KALRN: variants seen among roughly 807,000 people sequenced by gnomAD.
KALRN encodes the protein kalirin.
Under a neutral mutation model 353.7 loss-of-function variants are expected in KALRN, and 70 were observed. That is an observed-to-expected ratio of 0.20 (90% CI 0.16 to 0.24). KALRN has a LOEUF of 0.24. Ranked by LOEUF, KALRN falls within the 10% of genes least tolerant of loss-of-function variation. KALRN has a pLI of 1.00. For missense variants in KALRN, 2,791 were observed against 3,756.7 expected, an observed-to-expected ratio of 0.74 and a Z score of 6.72; for synonymous variants, 1,391 against 1,434.8, an observed-to-expected ratio of 0.97 and a Z score of 0.69.
At chr3:124,356,947 A>G (rs1479186224) in intron 10 of KALRN, among the ~76,000 whole-genome samples, 2 of 152,154 alleles carry the variant, frequency 1.3e-5, no homozygotes, top group Admixed American at 1.3e-4. Flanking sequence ...TTATAAACCC[A>G]TTGGCTCTGT....
At chr3:124,069,977 T>C (rs541357974) in intron 1 of KALRN, among the ~76,000 whole-genome samples, 37 of 152,260 alleles carry the variant, frequency 2.4e-4, no homozygotes, top group African/African-American at 8.4e-4. Context: ...GGCATGTATT[T>C]AGATATCATC....
chr3:124,249,297 G>GCT (rs1560355634), intron 3 of KALRN, among the ~76,000 whole-genome samples: 6 of 152,156 alleles, frequency 3.9e-5, no homozygotes, highest in Non-Finnish European at 7.3e-5. Context: ...CACAGGAGAA[G>GCT]ACAAAAACTG....
intron 34 of KALRN, among the ~76,000 whole-genome samples, chr3:124,608,434 A>G (rs551825471): frequency 6.6e-6 from 1 of 152,306 alleles, no homozygotes; most frequent in African/African-American, 2.4e-5. Flanking sequence ...CTGTCTCCTC[A>G]GGAAGAGTAC....
intron 34 of KALRN, among the ~76,000 whole-genome samples, chr3:124,615,798 CAG>C (rs2078519912): frequency 1.3e-5 from 2 of 152,250 alleles, no homozygotes; most frequent in South Asian, 4.2e-4. Flanking sequence ...AGGAGAACCA[CAG>C]AGAGACTTTT....
At chr3:124,128,206 T>C (rs758975788) in intron 1 of KALRN, among the ~76,000 whole-genome samples, 3 of 152,194 alleles carry the variant, frequency 2.0e-5, no homozygotes, top group Admixed American at 2.0e-4. Context: ...TCTCAAGTTA[T>C]TAATTATTAC....
chr3:124,668,845 A>G (rs1391566244), intron 47 of KALRN, among the ~76,000 whole-genome samples: 2 of 152,218 alleles, frequency 1.3e-5, no homozygotes, highest in Admixed American at 1.3e-4. Context: ...TTATGCAAAA[A>G]TGTGTTCATA....
intron 8 of KALRN, among the ~76,000 whole-genome samples, chr3:124,333,761 A>G (rs2080843950): frequency 6.6e-6 from 1 of 152,058 alleles, no homozygotes; most frequent in Non-Finnish European, 1.5e-5. Context: ...GGTGGCAGGC[A>G]CCTGTAATCC....
At chr3:124,270,958 T>A (rs566066899) in intron 5 of KALRN, among the ~76,000 whole-genome samples, 2 of 151,726 alleles carry the variant, frequency 1.3e-5, no homozygotes, top group East Asian at 3.9e-4. Flanking sequence ...GCCTCCTGAG[T>A]AGCTGGGATT....
intron 1 of KALRN, among the ~76,000 whole-genome samples, chr3:124,178,704 ATTTAC>A (rs1166444864): frequency 6.6e-6 from 1 of 152,206 alleles, no homozygotes; most frequent in Non-Finnish European, 1.5e-5. Context: ...CAGGACTGGA[ATTTAC>A]TTTGGGTGAG....
intron 3 of KALRN, among the ~76,000 whole-genome samples, chr3:124,255,606 T>C (rs1051946485): frequency 1.3e-5 from 2 of 152,350 alleles, no homozygotes; most frequent in Non-Finnish European, 2.9e-5. Flanking sequence ...TGAATCTCTG[T>C]AAGGCTCTAG....
intron 1 of KALRN, among the ~76,000 whole-genome samples, chr3:124,115,616 A>G (rs540104463): frequency 6.6e-6 from 1 of 152,186 alleles, no homozygotes; most frequent in South Asian, 2.1e-4. Flanking sequence ...TTGGCTGTAG[A>G]GGGTGTGTCC....
chr3:124,447,004 G>A, intron 21 of KALRN, 119 bp downstream of exon 21: 1 of 1,158,804 alleles, frequency 8.6e-7, no homozygotes, highest in Middle Eastern at 2.9e-4. Context: ...CAGTGGCAAG[G>A]GGGGAAGCAT....
In KALRN at chr3:124,674,392, C is replaced by T. The variant is rs767269208; in HGVS notation, c.6971C>T (p.Ser2324Leu). 12 of 1,613,588 alleles carry T rather than the reference C, an allele frequency of 7.4e-6. No individual in the cohort carries two copies. The Admixed American group carries it at 1.0e-4, about 13-fold the overall frequency. Residue 2324 changes from serine (S) to leucine (L), a missense_variant, in exon 49 of 60, where the codon TCG becomes TTG. Transcript: ENST00000682506. ...KNDLGGCNGTSSMAVIKDYYA... is the reference protein window; with the variant it reads ...KNDLGGCNGTLSMAVIKDYYA... Reference sequence around the variant, plus strand: ...GACCTGGGAGGCTGCAATGGGACCTCGTCCATGGCCGTGATCAAAGATTAC... The same window carrying T: ...GACCTGGGAGGCTGCAATGGGACCTTGTCCATGGCCGTGATCAAAGATTAC...
chr3:124,713,903 G>A (rs1465120421), intron 58 of KALRN, among the ~76,000 whole-genome samples: 1 of 152,172 alleles, frequency 6.6e-6, no homozygotes, highest in South Asian at 2.1e-4. Context: ...CAGTAGAGAA[G>A]TGCCTGCATT....
At chr3:124,656,979 C>T (rs2084128034) in intron 39 of KALRN, among the ~76,000 whole-genome samples, 2 of 152,184 alleles carry the variant, frequency 1.3e-5, no homozygotes, top group South Asian at 4.1e-4. Flanking sequence ...TCATCCAACA[C>T]CCAGGTGCCT....
intron 32 of KALRN, among the ~76,000 whole-genome samples, chr3:124,494,101 C>A (rs2063464689): frequency 6.6e-6 from 1 of 152,180 alleles, no homozygotes; most frequent in Non-Finnish European, 1.5e-5. Flanking sequence ...TGACATAGCC[C>A]CTTTTTCCTA....
intron 27 of KALRN, among the ~76,000 whole-genome samples, chr3:124,481,358 C>T (rs547458306): frequency 1.3e-5 from 2 of 152,112 alleles, no homozygotes; most frequent in Non-Finnish European, 2.9e-5. Context: ...AGGCACGTGC[C>T]ACCATACCCA....
chr3:124,640,127 T>A (rs1347562173), intron 37 of KALRN, among the ~76,000 whole-genome samples: 5 of 152,178 alleles, frequency 3.3e-5, no homozygotes, highest in Non-Finnish European at 5.9e-5. Flanking sequence ...TTTATTTGAC[T>A]AAGTACAACT....
intron 1 of KALRN, among the ~76,000 whole-genome samples, chr3:124,040,717 G>C (rs1041524364): frequency 3.3e-5 from 5 of 152,168 alleles, no homozygotes; most frequent in Non-Finnish European, 7.3e-5. Context: ...TTGTTTCACA[G>C]GTTGAGAGTA....
Sources: allele counts gnomAD v4.1 joint callset (sites outside exome capture counted in the v4.1 genomes callset), GRCh38; gene constraint gnomAD v4.1.1; transcripts MANE v1.5; gene names NCBI Gene and HGNC (gene_info 2026-07-23, HGNC 2026-07-21).